The following NKAIN3 variants were observed in gnomAD, a reference collection of about 807,000 sequenced individuals.
NKAIN3 encodes the protein sodium/potassium transporting ATPase interacting 3.
A neutral mutation model predicts 30.2 loss-of-function variants in NKAIN3; 25 were observed. That is an observed-to-expected ratio of 0.83 (90% confidence interval 0.60 to 1.16). The LOEUF is 1.16. Ranked by LOEUF, NKAIN3 falls within the 50% of genes most tolerant of loss-of-function variation. NKAIN3 has a pLI of 0.00. For missense variants in NKAIN3, 225 were observed against 254.1 expected (o/e 0.89, Z 0.78); for synonymous variants, 91 against 89.6 (o/e 1.02, Z -0.09).
chr8:62,712,884 G>T (rs7004183), intron 3 of NKAIN3, among the ~76,000 whole-genome samples: 26,803 of 152,184 alleles, frequency 0.18, 2,475 homozygotes, highest in East Asian at 0.32. Flanking sequence ...AGGGAACCCA[G>T]CCAGTTCCCA....
In NKAIN3 at chr8:62,672,767, C is replaced by A. The variant is rs1249641012; in HGVS notation, c.274-74165C>A. On this transcript the variant is annotated intron_variant, in intron 3 of 6. Transcript: ENST00000623646. ...GATAAACTTAAACCTTAAATTAAGT[C>A]TTTTTGTCTAGGATTTACTCTATCT... is the stretch of plus-strand genomic sequence containing the variant. Among the ~76,000 whole-genome samples the A allele has an allele frequency of 2.0e-5, 3 of 152,086 alleles. No individual in the cohort carries two copies. The East Asian group carries it at 5.8e-4, about 29-fold the overall frequency.
At chr8:62,806,788 A>G (rs968802575) in intron 4 of NKAIN3, among the ~76,000 whole-genome samples, 3 of 151,906 alleles carry the variant, frequency 2.0e-5, no homozygotes, top group African/African-American at 7.2e-5. Flanking sequence ...CATGTACCCT[A>G]AAAGTTAAAG....
intron 1 of NKAIN3, among the ~76,000 whole-genome samples, chr8:62,464,657 T>C (rs1366790794): frequency 2.6e-5 from 4 of 152,202 alleles, no homozygotes; most frequent in African/African-American, 7.2e-5. Flanking sequence ...TCTCCCGTGA[T>C]GGGTCAGGAA....
chr8:62,852,638 A>G (rs1203073381), intron 4 of NKAIN3, among the ~76,000 whole-genome samples: 1 of 152,024 alleles, frequency 6.6e-6, no homozygotes, highest in Non-Finnish European at 1.5e-5. Context: ...TGTCCCAAAG[A>G]TTCTGGTATG....
At chr8:62,915,631 T>C (rs541847123) in intron 4 of NKAIN3, among the ~76,000 whole-genome samples, 36 of 152,288 alleles carry the variant, frequency 2.4e-4, no homozygotes, top group African/African-American at 7.7e-4. Context: ...GAGTTCTTGA[T>C]TTACATGTAT....
chr8:62,975,945 G>A lies in NKAIN3; in HGVS notation c.*10538G>A, dbSNP rs1823931742. Among the ~76,000 whole-genome samples, 1 of 152,086 alleles carries A rather than the reference G, an allele frequency of 6.6e-6. No individual in the cohort carries two copies. The highest frequency in any genetic ancestry group is 1.5e-5 in the Non-Finnish European group (1 of 68,022). On this transcript the variant is annotated 3_prime_UTR_variant, in exon 7 of 7. Transcript: ENST00000623646. Reference sequence around the variant, plus strand: ...CTGCTGTGATCTCATTATTTTCCCAGGAGTCATTCAGAAGCAGGTTGTTCA... The same window carrying A: ...CTGCTGTGATCTCATTATTTTCCCAAGAGTCATTCAGAAGCAGGTTGTTCA...
rs540659134 is a variant in NKAIN3 at position 62,391,503 on chromosome 8, A to T, written c.54+142376A>T. Reference sequence around the variant, plus strand: ...AAAATAGATAAAAGATGAGAACTAGAGAAAAAGGCAGCATTTAAATAGGGA... The same window carrying T: ...AAAATAGATAAAAGATGAGAACTAGTGAAAAAGGCAGCATTTAAATAGGGA... On this transcript the variant is annotated intron_variant, in intron 1 of 6. Transcript: ENST00000623646. Among the ~76,000 whole-genome samples the T allele has an allele frequency of 2.0e-5, 3 of 152,270 alleles. No individual in the cohort carries two copies. The East Asian group carries it at 5.8e-4, about 29-fold the overall frequency.
At chr8:62,393,314 A>G (rs889394339) in intron 1 of NKAIN3, among the ~76,000 whole-genome samples, 2 of 151,766 alleles carry the variant, frequency 1.3e-5, no homozygotes, top group African/African-American at 2.4e-5. Context: ...TTTTTTTTCT[A>G]TATTTATATT....
At chr8:62,515,066 A>C (rs1020773521) in intron 1 of NKAIN3, among the ~76,000 whole-genome samples, 1 of 152,114 alleles carries the variant, frequency 6.6e-6, no homozygotes, top group African/African-American at 2.4e-5. Flanking sequence ...CAAAGGCTCT[A>C]CCATCATAAT....
At chr8:62,663,340 T>A (rs188091081) in intron 3 of NKAIN3, among the ~76,000 whole-genome samples, 16 of 152,318 alleles carry the variant, frequency 1.1e-4, no homozygotes, top group African/African-American at 3.4e-4. Context: ...TCTCTATTAC[T>A]CTATTGTAGT....
chr8:62,747,190 C>A, intron 4 of NKAIN3, 61 bp downstream of exon 4: 1 of 1,070,284 alleles, frequency 9.3e-7, no homozygotes, highest in South Asian at 1.5e-5. Context: ...ATTTTTTTCT[C>A]CACATCTACC....
At chr8:62,579,189 A>G (rs569996852) in intron 1 of NKAIN3, among the ~76,000 whole-genome samples, 1 of 152,146 alleles carries the variant, frequency 6.6e-6, no homozygotes, top group Middle Eastern at 3.4e-3. Flanking sequence ...TGTACCCCTC[A>G]TAATTAAACA....
chr8:62,459,385 A>G (rs1019215705), intron 1 of NKAIN3, among the ~76,000 whole-genome samples: 1 of 152,208 alleles, frequency 6.6e-6, no homozygotes, highest in African/African-American at 2.4e-5. Context: ...ATTGTTTACT[A>G]GGCCAAGTGA....
chr8:62,290,194 A>G (rs1813541011), intron 1 of NKAIN3, among the ~76,000 whole-genome samples: 1 of 152,168 alleles, frequency 6.6e-6, no homozygotes, highest in South Asian at 2.1e-4. Context: ...GCAAGCAGGG[A>G]CAATTTGACT....
intron 4 of NKAIN3, among the ~76,000 whole-genome samples, chr8:62,792,311 T>TA (rs1452388685): frequency 2.0e-5 from 3 of 152,096 alleles, no homozygotes; most frequent in African/African-American, 7.2e-5. Flanking sequence ...CTTATCAACT[T>TA]AAAAAAAGTG....
intron 4 of NKAIN3, among the ~76,000 whole-genome samples, chr8:62,852,047 T>G (rs1317036960): frequency 6.6e-6 from 1 of 152,218 alleles, no homozygotes; most frequent in East Asian, 1.9e-4. Flanking sequence ...CTCCTCCTTC[T>G]ACCTCTGGTA....
chr8:62,682,181 A>T (rs902428248), intron 3 of NKAIN3, among the ~76,000 whole-genome samples: 1 of 152,180 alleles, frequency 6.6e-6, no homozygotes, highest in Non-Finnish European at 1.5e-5. Flanking sequence ...GAAGTAGGAA[A>T]AGGGGATCGT....
At chr8:62,590,360 A>G (rs1268503150) in intron 3 of NKAIN3, among the ~76,000 whole-genome samples, 1 of 151,854 alleles carries the variant, frequency 6.6e-6, no homozygotes, top group East Asian at 1.9e-4. Flanking sequence ...TGCAGCAATG[A>G]TACACACGTT....
intron 1 of NKAIN3, among the ~76,000 whole-genome samples, chr8:62,463,348 A>G (rs1169971354): frequency 6.6e-6 from 1 of 152,190 alleles, no homozygotes; most frequent in Non-Finnish European, 1.5e-5. Flanking sequence ...TATTCAATTC[A>G]CCTTGGAATG....
Sources: gnomAD v4.1 joint callset for allele counts (sites outside exome capture counted in the v4.1 genomes callset) on GRCh38, gnomAD v4.1.1 for gene constraint, MANE v1.5 for transcripts, NCBI Gene and HGNC (gene_info 2026-07-23, HGNC 2026-07-21) for gene names.